Variants in P3H1 observed in about 807,000 individuals in gnomAD.
P3H1 encodes prolyl 3-hydroxylase 1.
P3H1 carries 69 observed loss-of-function variants against 84.0 expected under a neutral mutation model. The ratio of observed to expected loss-of-function variants is 0.82; its 90% confidence interval spans 0.68 to 1.00. The LOEUF (loss-of-function observed/expected upper bound fraction) is 1.00, where lower values mean the gene tolerates loss of function less well. P3H1 is among the 50% of genes least tolerant of loss of function. The pLI, the probability that P3H1 is intolerant of heterozygous loss-of-function variation, is 0.00. For missense variants in P3H1, 878 were observed against 962.8 expected (o/e 0.91, Z 1.17); for synonymous variants, 366 against 388.8 (o/e 0.94, Z 0.69).
intron 1 of P3H1, among the ~76,000 whole-genome samples, chr1:42,765,237 C>G (rs1334330872): frequency 6.6e-6 from 1 of 152,144 alleles, no homozygotes; most frequent in Non-Finnish European, 1.5e-5. Context: ...CTACTTTTCT[C>G]TCTATCTGGA....
chr1:42,746,613 C>G lies in P3H1; in HGVS notation c.*84G>C, dbSNP rs1651719804. The G allele has an allele frequency of 8.6e-7, 1 of 1,164,564 alleles. No homozygotes were observed. Among genetic ancestry groups the G allele is most frequent in the Admixed American group, 2.0e-5 (1 of 50,116 alleles). The allele number at this position is 1,164,564 out of a possible 1,614,324, so 72.1% of individuals were successfully genotyped here. ...TGGCAGATGTAGGCTCACTGCTCTG[C>G]AGCCCCGAGGGGCTGGCCAGCTCAG... is the stretch of plus-strand genomic sequence containing the variant. On this transcript the variant is annotated 3_prime_UTR_variant, in exon 15 of 15. Coordinates refer to ENST00000296388, the MANE Select transcript of P3H1 (RefSeq NM_022356.4).
intron 8 of P3H1, among the ~76,000 whole-genome samples, chr1:42,753,521 A>G (rs1652223672): frequency 1.3e-5 from 2 of 152,158 alleles, no homozygotes; most frequent in South Asian, 4.1e-4. Flanking sequence ...ATCCTAGAAG[A>G]CAGTACCTGT....
Position 42,747,295 on chromosome 1 carries a change from G to T in P3H1, c.2032C>A (p.Leu678Met), listed in dbSNP as rs202209556. The T allele has an allele frequency of 5.0e-6, 8 of 1,613,566 alleles. No individual in the cohort carries two copies. In the Admixed American group the frequency reaches 1.0e-4, roughly 20 times the overall value. ...ACCCGCTCGCTGTGTCGAGGGTCCA[G>T]GGTGAACCACAGGGCGATGGCACAG... ...QRCAIALWFT[L>M]DPRHSERDRV... The change falls in exon 14 of 15, where the codon CTG becomes ATG. Residue 678 changes from leucine (L) to methionine (M), a missense_variant. Leu to Met is a conservative substitution (Grantham distance 15, BLOSUM62 2). Coordinates refer to ENST00000296388, the MANE Select transcript of P3H1 (RefSeq NM_022356.4).
At chr1:42,753,528 C>A (rs1195962309) in intron 8 of P3H1, among the ~76,000 whole-genome samples, 1 of 152,174 alleles carries the variant, frequency 6.6e-6, no homozygotes, top group African/African-American at 2.4e-5. Flanking sequence ...AAGACAGTAC[C>A]TGTTCTCTAA....
chr1:42,748,863 C>T (rs1000614178), intron 11 of P3H1: 12 of 205,762 alleles, frequency 5.8e-5, no homozygotes, highest in African/African-American at 1.8e-4. Context: ...AGGCAGACCA[C>T]GTCTTTCCCC....
Position 42,750,172 on chromosome 1 carries a change from G to A in P3H1, c.1720+14C>T. 1.2e-6 allele frequency: 2 copies of A among 1,610,964 alleles called. No homozygotes were observed. Among genetic ancestry groups the A allele is most frequent in the Non-Finnish European group, 1.7e-6 (2 of 1,178,758 alleles). On this transcript the variant is annotated intron_variant, in intron 11 of 14. Coordinates refer to ENST00000296388, the MANE Select transcript of P3H1 (RefSeq NM_022356.4). Reference sequence around the variant, plus strand: ...GCATGCGGGGGCGGGTGCTGCAGGGGTAATGAGGCCCACCTTCGATGGCAG... The same window carrying A: ...GCATGCGGGGGCGGGTGCTGCAGGGATAATGAGGCCCACCTTCGATGGCAG...
chr1:42,752,145 C>A, intron 10 of P3H1, 129 bp downstream of exon 10: 2 of 793,118 alleles, frequency 2.5e-6, no homozygotes, highest in Non-Finnish European at 2.2e-6. Context: ...CGCTTCCTGG[C>A]AACAAGAATG....
intron 2 of P3H1, 89 bp downstream of exon 2, chr1:42,762,234 G>A (rs1417827012): frequency 7.3e-7 from 1 of 1,361,314 alleles, no homozygotes; most frequent in East Asian, 2.3e-5. Context: ...TCAAGCCACT[G>A]CACTCCAGCC....
chr1:42,759,072 A>AT, intron 3 of P3H1, 89 bp from the exon 4 acceptor site: 2 of 1,583,838 alleles, frequency 1.3e-6, no homozygotes, highest in Non-Finnish European at 1.7e-6. Flanking sequence ...AATGGAAGCA[A>AT]TTTTTCATCA....
In P3H1 at chr1:42,755,081, A is replaced by G. The variant is rs376780089; in HGVS notation, c.1223+84T>C. 1.4e-4 allele frequency: 230 copies of G among 1,613,322 alleles called. 4 individuals carry two copies. Among genetic ancestry groups the G allele is most frequent in the South Asian group, 1.3e-3 (122 of 91,040 alleles). On this transcript the variant is annotated intron_variant, in intron 7 of 14. Transcript: ENST00000296388. ...AAACTGGACCTGCCCACCCCTTGCC[A>G]GGAGTTCACATCTGCCTGGGCTCAG...
chr1:42,746,789 G>T lies in P3H1; in HGVS notation c.2119C>A (p.Gln707Lys). 6.3e-7 allele frequency: 1 copy of T among 1,578,242 alleles called. No homozygotes were observed. The highest frequency in any genetic ancestry group is 2.3e-5 in the East Asian group (1 of 42,786). ...TGCTGGGCATCCAGGGGCTGCTCCT[G>T]GGAGAGGTCCATCTCTTCTGGGCTG... Reference protein sequence around the residue: ...LFSPEEMDLSQEQPLDAQQGP... With the variant: ...LFSPEEMDLSKEQPLDAQQGP... Residue 707 changes from glutamine (Q) to lysine (K), a missense_variant, in exon 15 of 15, where the codon CAG (glutamine) becomes AAG (lysine). Transcript: ENST00000296388.
rs1344810292 is a variant in P3H1, at chr1:42,748,246, G to A, written c.1792C>T (p.Leu598Phe). The A allele has an allele frequency of 6.7e-5, 108 of 1,613,828 alleles. No homozygotes were observed. The highest frequency in any genetic ancestry group is 9.1e-5 in the Non-Finnish European group (107 of 1,180,018). Residue 598 changes from leucine (L) to phenylalanine (F), a missense_variant, in exon 12 of 15, where the codon CTC becomes TTC. Transcript: ENST00000296388. ...VDNCILNAET[L>F]VCVKEPPAYT... ...GCTGGGGGCTCTTTGACACACACGA[G>A]GGTCTCGGCATTCAGGATGCAGTTG...
Position 42,754,850 on chromosome 1 carries a change from C to T in P3H1, c.1345+19G>A. 6.2e-7 allele frequency: 1 copy of T among 1,614,072 alleles called. No homozygotes were observed. Among genetic ancestry groups the T allele is most frequent in the Non-Finnish European group, 8.5e-7 (1 of 1,179,958 alleles). ...CTCCCTGACAACAGCCAGACATGCCCCTATTTCTGTCCTCTCACCTTCCCG... is the reference window on the plus strand; with the variant it reads ...CTCCCTGACAACAGCCAGACATGCCTCTATTTCTGTCCTCTCACCTTCCCG... On this transcript the variant is annotated intron_variant, in intron 8 of 14. Transcript: ENST00000296388. The surrounding 1 kb of genome is among the most constrained non-coding windows in gnomAD (Gnocchi z 4.0).
chr1:42,746,638 G>T lies in P3H1; in HGVS notation c.*59C>A. 2 of 1,407,838 alleles carry T rather than the reference G, an allele frequency of 1.4e-6. No homozygotes were observed. Among genetic ancestry groups the T allele is most frequent in the Non-Finnish European group, 2.0e-6 (2 of 1,017,230 alleles). The allele number at this position is 1,407,838 out of a possible 1,614,324, so 87.2% of individuals were successfully genotyped here. ...CAGCCCCGAGGGGCTGGCCAGCTCA[G>T]AGTGCAGAAGAGTTCCTCTCCATGG... On this transcript the variant is annotated 3_prime_UTR_variant, in exon 15 of 15. Transcript: ENST00000296388.
In P3H1 at chr1:42,766,600, G is replaced by A. The variant is rs759316608; in HGVS notation, c.372C>T (p.Leu124=). Residue 124 remains leucine, a synonymous_variant, in exon 1 of 15, where the codon CTC becomes CTT. Coordinates refer to ENST00000296388, the MANE Select transcript of P3H1 (RefSeq NM_022356.4). Reference sequence around the variant, plus strand: ...TGAGCGAGTGGGCGGCCGGCGGCCCGAGGCAGCGGCGCAGGCAGGCAGCGC... The same window carrying A: ...TGAGCGAGTGGGCGGCCGGCGGCCCAAGGCAGCGGCGCAGGCAGGCAGCGC... The part of the protein sequence containing the change: ...LRRAACLRRC[L]GPPAAHSLSE... 47 of 1,609,178 alleles carry A rather than the reference G, an allele frequency of 2.9e-5. No homozygotes were observed. The highest frequency in any genetic ancestry group is 4.0e-5 in the Non-Finnish European group (47 of 1,178,280).
intron 9 of P3H1, 46 bp from the exon 10 acceptor site, chr1:42,752,415 G>T: frequency 6.2e-7 from 1 of 1,610,198 alleles, no homozygotes; most frequent in Non-Finnish European, 8.5e-7. Context: ...GGCAGCTGAG[G>T]GCTTGAGAAG....
rs758327238 is a variant in P3H1, at chr1:42,747,381, A to T, written c.1946T>A (p.Val649Glu). The part of the protein sequence containing the change: ...AEVQPQCGRA[V>E]GFSSGTENPH... The stretch of plus-strand genomic sequence containing the variant: ...GTTTTCAGTGCCTGAAGAGAATCCC[A>T]CGGCTCTTCCACACTGAGGCTGCAC... Residue 649 changes from valine to glutamate, a missense_variant, in exon 14 of 15, where the codon GTG becomes GAG. Transcript: ENST00000296388. The T allele has an allele frequency of 3.7e-6, 6 of 1,611,104 alleles. No homozygotes were observed. Among genetic ancestry groups the T allele is most frequent in the Non-Finnish European group, 4.2e-6 (5 of 1,178,674 alleles).
intron 1 of P3H1, among the ~76,000 whole-genome samples, chr1:42,762,723 G>A (rs1381966131): frequency 6.6e-6 from 1 of 152,198 alleles, no homozygotes; most frequent in Non-Finnish European, 1.5e-5. Flanking sequence ...CCAGATTACA[G>A]GAAGTAGCAA....
rs2124143402 is a variant in P3H1, at chr1:42,759,405, G to A, written c.619-15C>T. The A allele has an allele frequency of 6.2e-7, 1 of 1,612,840 alleles. No homozygotes were observed. The highest frequency in any genetic ancestry group is 8.5e-7 in the Non-Finnish European group (1 of 1,179,038). On this transcript the variant is annotated splice_polypyrimidine_tract_variant and intron_variant, in intron 2 of 14. Coordinates refer to ENST00000296388, the MANE Select transcript of P3H1 (RefSeq NM_022356.4). Reference sequence around the variant, plus strand: ...CGAAATTCTTGCTACTGGGAAGAAGGAGCACTCAAATGCAGGCCACAGAGG... The same window carrying A: ...CGAAATTCTTGCTACTGGGAAGAAGAAGCACTCAAATGCAGGCCACAGAGG...
Sources: allele counts gnomAD v4.1 joint callset (sites outside exome capture counted in the v4.1 genomes callset), GRCh38; gene constraint gnomAD v4.1.1; non-coding constraint Gnocchi (gnomAD v3.1); transcripts MANE v1.5; gene names NCBI Gene and HGNC (gene_info 2026-07-23, HGNC 2026-07-21).